PRRC2B: variants seen among roughly 807,000 people sequenced by gnomAD.
The protein encoded by PRRC2B is proline rich coiled-coil 2B.
In PRRC2B, 68 loss-of-function variants were observed where a neutral mutation model predicts 242.3. That is an observed-to-expected ratio of 0.28 (90% CI 0.23 to 0.34). PRRC2B has a LOEUF of 0.34. Among genes scored for constraint, PRRC2B ranks in the 10% least tolerant of loss-of-function variants. PRRC2B has a pLI of 1.00. For missense variants in PRRC2B, 2,835 were observed against 2,954.8 expected (o/e 0.96, Z 0.94); for synonymous variants, 1,228 against 1,173.6 (o/e 1.05, Z -0.95).
chr9:131,441,320 C>G (rs951699951), intron 5 of PRRC2B, among the ~76,000 whole-genome samples: 2 of 152,060 alleles, frequency 1.3e-5, no homozygotes, highest in African/African-American at 4.8e-5. Context: ...ACATGGTGTT[C>G]ACTTCTGAAC....
chr9:131,473,530 C>T lies in PRRC2B; in HGVS notation c.2130C>T (p.Pro710=), dbSNP rs1341453220. ...CAGGACTGATGAAGCCCATGATGCC[C>T]CAGGAGTCCCTCAATGGGACAGGCT... ...HPSGLMKPMM[P]QESLNGTGCR... Residue 710 remains proline (P), a synonymous_variant, in exon 15 of 32, where the codon CCC becomes CCT. Transcript: ENST00000683519. 9 of 1,604,560 alleles carry T rather than the reference C, an allele frequency of 5.6e-6. No individual in the cohort carries two copies. In the East Asian group the frequency reaches 1.8e-4, roughly 32 times the overall value.
At chr9:131,489,430 C>T (rs1301864269) in intron 28 of PRRC2B, among the ~76,000 whole-genome samples, 1 of 152,148 alleles carries the variant, frequency 6.6e-6, no homozygotes, top group Middle Eastern at 3.2e-3. Flanking sequence ...AGCCACCCAC[C>T]TTGGCCTCCC....
intron 1 of PRRC2B, among the ~76,000 whole-genome samples, chr9:131,395,428 T>A (rs1837022724): frequency 6.6e-6 from 1 of 152,220 alleles, no homozygotes; most frequent in African/African-American, 2.4e-5. Context: ...TGGTGTAAGG[T>A]GGGACTGGGG....
intron 10 of PRRC2B, 59 bp downstream of exon 10, chr9:131,455,225 AC>A: frequency 8.2e-7 from 1 of 1,214,274 alleles, no homozygotes; most frequent in Non-Finnish European, 1.2e-6. Flanking sequence ...GTTGTTGTGT[AC>A]CCAGAGCATT....
intron 22 of PRRC2B, 121 bp from the exon 23 acceptor site, chr9:131,483,237 CA>C (rs1244295729): frequency 1.1e-6 from 1 of 926,230 alleles, no homozygotes; most frequent in Non-Finnish European, 1.7e-6. Flanking sequence ...TATGTGGCTC[CA>C]GTGAATGCTG....
Position 131,491,431 on chromosome 9 carries a change from A to C in PRRC2B, c.6232A>C (p.Met2078Leu), listed in dbSNP as rs748522687. The change falls in exon 29 of 32, where the codon ATG (methionine) becomes CTG (leucine). Residue 2078 changes from methionine to leucine, a missense_variant. Physicochemically the swap from Met to Leu is conservative, Grantham distance 15 (BLOSUM62 2). Transcript: ENST00000683519. ...MLDSQLPQLTMPLPRYGSGQQ... is the reference protein window; with the variant it reads ...MLDSQLPQLTLPLPRYGSGQQ... ...TGTCATTGTCGCCCAGCAGCTGACC[A>C]TGCCACTGCCTCGGTACGGCTCCGG... The C allele has an allele frequency of 6.3e-7, 1 of 1,599,958 alleles. No individual in the cohort carries two copies. The highest frequency in any genetic ancestry group is 8.5e-7 in the Non-Finnish European group (1 of 1,173,662).
At chr9:131,434,737 G>C (rs567616065) in intron 3 of PRRC2B, among the ~76,000 whole-genome samples, 6 of 152,268 alleles carry the variant, frequency 3.9e-5, no homozygotes, top group South Asian at 2.1e-4. Context: ...TCCCACCAGG[G>C]GGGTGGCTGC....
chr9:131,376,045 T>TAAA (rs1836679605), intron 1 of PRRC2B, among the ~76,000 whole-genome samples: 2 of 63,746 alleles, frequency 3.1e-5, no homozygotes, highest in Admixed American at 2.3e-4. Context: ...TGAGACTGTC[T>TAAA]CAAAAAAAAA....
chr9:131,496,127 G>T lies in PRRC2B; in HGVS notation c.*253G>T. Reference sequence around the variant, plus strand: ...CTCCTTCATCCCATCTGCTCCTACCGTGACTGTGGAGTGACGCCTCCTGTG... The same window carrying T: ...CTCCTTCATCCCATCTGCTCCTACCTTGACTGTGGAGTGACGCCTCCTGTG... On this transcript the variant is annotated 3_prime_UTR_variant, in exon 32 of 32. Transcript: ENST00000683519. 2.1e-6 allele frequency: 1 copy of T among 483,364 alleles called. No individual in the cohort carries two copies. Among genetic ancestry groups the T allele is most frequent in the South Asian group, 2.7e-5 (1 of 37,286 alleles). 29.9% of individuals were successfully genotyped at this position (483,364 alleles called of 1,614,324 possible).
At chr9:131,466,595 A>T (rs974011600) in intron 12 of PRRC2B, among the ~76,000 whole-genome samples, 1 of 150,044 alleles carries the variant, frequency 6.7e-6, no homozygotes, top group African/African-American at 2.4e-5. Context: ...GTGGGCTGTC[A>T]CTGAGTTCAT....
At chr9:131,375,911 T>C (rs1473114085) in intron 1 of PRRC2B, among the ~76,000 whole-genome samples, 3 of 151,996 alleles carry the variant, frequency 2.0e-5, no homozygotes, top group African/African-American at 7.3e-5. Context: ...TAGCCGGGCA[T>C]GGTGGCGATT....
rs1411792434 is a variant in PRRC2B at position 131,479,369 on chromosome 9, G to A, written c.4876G>A (p.Glu1626Lys). ...VTVPGSSLGTEIWESSSQALP... is the reference protein window; with the variant it reads ...VTVPGSSLGTKIWESSSQALP... Reference sequence around the variant, plus strand: ...CGTGCCTGGCAGCAGCCTGGGCACTGAGATCTGGGAGAGCAGCAGCCAGGG... The same window carrying A: ...CGTGCCTGGCAGCAGCCTGGGCACTAAGATCTGGGAGAGCAGCAGCCAGGG... The change falls in exon 19 of 32, where the codon GAG becomes AAG. Residue 1626 changes from glutamate to lysine, a missense_variant. Physicochemically the swap from Glu to Lys is moderately conservative, Grantham distance 56. Coordinates refer to ENST00000683519, the MANE Select transcript of PRRC2B (RefSeq NM_013318.4). The A allele has an allele frequency of 1.9e-6, 3 of 1,613,632 alleles. No individual in the cohort carries two copies. Among genetic ancestry groups the A allele is most frequent in the African/African-American group, 2.7e-5 (2 of 74,924 alleles).
chr9:131,385,224 C>G (rs1199107400), intron 1 of PRRC2B, among the ~76,000 whole-genome samples: 1 of 149,014 alleles, frequency 6.7e-6, no homozygotes, highest in Non-Finnish European at 1.5e-5. Context: ...GCCTATAATC[C>G]CAGCTACTTG....
At position 131,444,282 on chromosome 9, in the gene PRRC2B, C is replaced by T. The variant is rs746655418; in HGVS notation, c.567C>T (p.Gly189=). 5.0e-6 allele frequency: 8 copies of T among 1,613,688 alleles called. No individual in the cohort carries two copies. Among genetic ancestry groups the T allele is most frequent in the East Asian group, 2.2e-5 (1 of 44,876 alleles). Residue 189 remains glycine (G), a synonymous_variant, in exon 6 of 32, where the codon GGC becomes GGT. Coordinates refer to ENST00000683519, the MANE Select transcript of PRRC2B (RefSeq NM_013318.4). ...GGQDKAGKEK[G]VLDLSYGPGP... ...AGGACAAGGCTGGCAAAGAAAAGGGCGTCTTAGATCTGTCGTATGGGCCAG... is the reference window on the plus strand; with the variant it reads ...AGGACAAGGCTGGCAAAGAAAAGGGTGTCTTAGATCTGTCGTATGGGCCAG...
chr9:131,426,255 T>G (rs1837971555), intron 1 of PRRC2B, among the ~76,000 whole-genome samples: 2 of 145,826 alleles, frequency 1.4e-5, no homozygotes, highest in Admixed American at 1.4e-4. Flanking sequence ...GGAGAATTGC[T>G]TGAATCTGGG....
chr9:131,442,014 A>G (rs893859615), intron 5 of PRRC2B, among the ~76,000 whole-genome samples: 3 of 151,976 alleles, frequency 2.0e-5, no homozygotes, highest in African/African-American at 7.3e-5. Context: ...CCTTATTAAG[A>G]TTAATTCATG....
At chr9:131,437,140 CAA>C (rs754100907) in intron 4 of PRRC2B, among the ~76,000 whole-genome samples, 108 of 152,066 alleles carry the variant, frequency 7.1e-4, no homozygotes, top group Non-Finnish European at 5.3e-4. Flanking sequence ...GTTTGAAAAA[CAA>C]AACGAAGCGA....
At chr9:131,481,998 C>T (rs984870729) in intron 20 of PRRC2B, among the ~76,000 whole-genome samples, 190 bp downstream of exon 20, 1 of 152,170 alleles carries the variant, frequency 6.6e-6, no homozygotes, top group Admixed American at 6.5e-5. Context: ...GTGCATGGGG[C>T]GTGCATGAGC....
rs1943689785 is a variant in PRRC2B, at chr9:131,476,145, G to A, written c.4016G>A (p.Trp1339Ter). ...EEEPHLLAGQ[W>*]PGRPKLCSGD... The stretch of plus-strand genomic sequence containing the variant: ...GAGCCCCACCTGCTGGCAGGTCAGT[G>A]GCCAGGCAGGCCCAAACTGTGTTCT... The change falls in exon 16 of 32, where the codon TGG becomes TAG. Residue 1339 changes from tryptophan (W) to a stop codon, truncating the protein, a stop_gained. Coordinates refer to ENST00000683519, the MANE Select transcript of PRRC2B (RefSeq NM_013318.4). LOFTEE classifies it high-confidence loss of function. 6.2e-7 allele frequency: 1 copy of A among 1,611,826 alleles called. No homozygotes were observed. The highest frequency in any genetic ancestry group is 8.5e-7 in the Non-Finnish European group (1 of 1,178,856).
Sources: gnomAD v4.1 joint callset for allele counts (sites outside exome capture counted in the v4.1 genomes callset) on GRCh38, gnomAD v4.1.1 for gene constraint, MANE v1.5 for transcripts, NCBI Gene and HGNC (gene_info 2026-07-23, HGNC 2026-07-21) for gene names.